Variants in RBBP8 observed in about 807,000 individuals in gnomAD.
RBBP8 encodes RB binding protein 8, endonuclease.
Under a neutral mutation model 108.3 loss-of-function variants are expected in RBBP8, and 88 were observed. The ratio of observed to expected loss-of-function variants is 0.81; its 90% CI spans 0.68 to 0.97. The LOEUF is 0.97. RBBP8 is among the 50% of genes least tolerant of loss of function. The pLI is 0.00. For missense variants in RBBP8, 1,023 were observed against 1,049.0 expected (o/e 0.98, Z 0.34); for synonymous variants, 332 against 348.2 (o/e 0.95, Z 0.52).
chr18:23,014,469 A>T (rs2046223382), intron 16 of RBBP8, among the ~76,000 whole-genome samples: 1 of 152,124 alleles, frequency 6.6e-6, no homozygotes, highest in Non-Finnish European at 1.5e-5. Flanking sequence ...CCTCATCTGT[A>T]CTAAAAAGCA....
chr18:22,982,382 T>G lies in RBBP8; in HGVS notation c.593T>G (p.Val198Gly). 1 of 1,614,040 alleles carries G rather than the reference T, an allele frequency of 6.2e-7. No individual in the cohort carries two copies. Among genetic ancestry groups the G allele is most frequent in the Non-Finnish European group, 8.5e-7 (1 of 1,179,968 alleles). Residue 198 changes from valine to glycine, a missense_variant, in exon 7 of 19, where the codon GTG (valine) becomes GGG (glycine). Physicochemically the swap from Val to Gly is moderately radical, Grantham distance 109. Coordinates refer to ENST00000327155, the MANE Select transcript of RBBP8 (RefSeq NM_002894.3). The stretch of plus-strand genomic sequence containing the variant: ...ACACATACTAAATTGGAGCACTCTG[T>G]GTGTGCAAATGGTAAGAGTTGGAGT... ...EQTHTKLEHS[V>G]CANEMRKVSK...
chr18:22,963,834 G>A (rs529319594), intron 4 of RBBP8, among the ~76,000 whole-genome samples: 2 of 152,024 alleles, frequency 1.3e-5, no homozygotes, highest in African/African-American at 4.8e-5. Context: ...AGTTAATTGT[G>A]GCCATTCTTG....
intron 4 of RBBP8, chr18:22,950,007 A>G (rs1183349040): frequency 1.6e-5 from 4 of 249,238 alleles, no homozygotes; most frequent in Admixed American, 1.0e-4. Context: ...TTTTACTTCT[A>G]AGTAGGTGGA....
chr18:22,986,043 A>T (rs573156997), intron 8 of RBBP8, among the ~76,000 whole-genome samples: 1 of 142,402 alleles, frequency 7.0e-6, no homozygotes, highest in East Asian at 2.1e-4. Flanking sequence ...GATCTACTGT[A>T]TATCTGTTTA....
At chr18:23,002,291 C>G (rs2045961971) in intron 15 of RBBP8, among the ~76,000 whole-genome samples, 1 of 152,100 alleles carries the variant, frequency 6.6e-6, no homozygotes, top group Admixed American at 6.6e-5. Context: ...ACCTGTAGTC[C>G]CAGCTACTTG....
At position 22,953,039 on chromosome 18, in the gene RBBP8, T is replaced by C. The variant is rs76517368; in HGVS notation, c.248+3326T>C. Among the ~76,000 whole-genome samples, 284 of 152,340 alleles carry C rather than the reference T, an allele frequency of 1.9e-3. 1 individual carries two copies. The highest frequency in any genetic ancestry group is 8.5e-3 in the Admixed American group (130 of 15,304). ...TGAGAAGCAAACATCAATAAGACTT[T>C]GGACACTGAAGAGATTTATTGGGAA... is the stretch of plus-strand genomic sequence containing the variant. On this transcript the variant is annotated intron_variant, in intron 4 of 18. Transcript: ENST00000327155.
intron 4 of RBBP8, among the ~76,000 whole-genome samples, chr18:22,958,723 A>G (rs956813158): frequency 1.3e-5 from 2 of 151,982 alleles, no homozygotes; most frequent in African/African-American, 2.4e-5. Context: ...TGATTTTTTT[A>G]TAGAGACAAG....
intron 2 of RBBP8, among the ~76,000 whole-genome samples, chr18:22,941,775 G>C (rs1911102625): frequency 6.6e-6 from 1 of 151,926 alleles, no homozygotes; most frequent in Admixed American, 6.5e-5. Context: ...AGTAATTGTT[G>C]GTGTATATGA....
intron 8 of RBBP8, among the ~76,000 whole-genome samples, chr18:22,987,787 T>A (rs894496180): frequency 2.0e-5 from 3 of 152,216 alleles, no homozygotes; most frequent in Non-Finnish European, 2.9e-5. Context: ...GAATGTCACC[T>A]GCAGTCAGTA....
chr18:22,987,394 G>A (rs575238025), intron 8 of RBBP8, among the ~76,000 whole-genome samples: 18 of 152,132 alleles, frequency 1.2e-4, no homozygotes, highest in Admixed American at 2.0e-4. Flanking sequence ...TGTAAACGTC[G>A]TCAGTGTTGC....
At chr18:23,002,265 C>T (rs1278945091) in intron 15 of RBBP8, among the ~76,000 whole-genome samples, 1 of 151,990 alleles carries the variant, frequency 6.6e-6, no homozygotes, top group Non-Finnish European at 1.5e-5. Flanking sequence ...AAAATTAGCT[C>T]GGCATGATGG....
At chr18:22,921,508 A>G (rs1437407855) in intron 3 of RBBP8, among the ~76,000 whole-genome samples, 2 of 152,222 alleles carry the variant, frequency 1.3e-5, no homozygotes, top group East Asian at 3.8e-4. Flanking sequence ...TCTGGTTGCC[A>G]CTGAAATACC....
chr18:22,928,155 C>G (rs1166485430), intron 3 of RBBP8, among the ~76,000 whole-genome samples: 1 of 140,190 alleles, frequency 7.1e-6, no homozygotes, highest in African/African-American at 2.7e-5. Context: ...AAGCTGAGAT[C>G]GCGCCACTGC....
intron 11 of RBBP8, 22 bp downstream of exon 11, chr18:22,993,661 A>G (rs1288452733): frequency 6.2e-7 from 1 of 1,614,124 alleles, no homozygotes; most frequent in Non-Finnish European, 8.5e-7. Context: ...ATGTTCAAGG[A>G]TTTTGATTAA....
In RBBP8 at chr18:22,997,748, T is replaced by C; in HGVS notation, c.2143+14T>C. The C allele has an allele frequency of 6.6e-7, 1 of 1,517,126 alleles. No individual in the cohort carries two copies. Among genetic ancestry groups the C allele is most frequent in the South Asian group, 1.2e-5 (1 of 85,428 alleles). 94.0% of individuals were successfully genotyped at this position (1,517,126 alleles called of 1,614,324 possible). ...AAAAAAGTTCAAGTAAGATCTGTTT[T>C]TGTTTTGTTATTTTTTTTAATAACG... On this transcript the variant is annotated intron_variant, in intron 14 of 18. Coordinates refer to ENST00000327155, the MANE Select transcript of RBBP8 (RefSeq NM_002894.3).
chr18:23,026,284 CTTAG>C lies in RBBP8; in HGVS notation c.*48_*51del. 1 of 1,511,560 alleles carries C rather than the reference CTTAG, an allele frequency of 6.6e-7. No individual in the cohort carries two copies. The highest frequency in any genetic ancestry group is 9.2e-7 in the Non-Finnish European group (1 of 1,090,050). 93.6% of individuals were successfully genotyped at this position (1,511,560 alleles called of 1,614,324 possible). A position where few individuals can be genotyped will look rare whatever the true frequency, so the allele number is the denominator to read the frequency against. ...AAGGATGAAGGACAGTTTTTTCCTT[CTTAG>C]TTATTTATAGTTAAAGTTGGTACTA... On this transcript the variant is annotated 3_prime_UTR_variant, in exon 19 of 19. Coordinates refer to ENST00000327155, the MANE Select transcript of RBBP8 (RefSeq NM_002894.3).
intron 6 of RBBP8, among the ~76,000 whole-genome samples, chr18:22,980,056 G>C (rs963491885): frequency 6.6e-6 from 1 of 152,084 alleles, no homozygotes; most frequent in African/African-American, 2.4e-5. Context: ...GACCAGCCTG[G>C]CCAACGTGGT....
At chr18:23,010,376 A>G in intron 16 of RBBP8, among the ~76,000 whole-genome samples, 1 of 152,166 alleles carries the variant, frequency 6.6e-6, no homozygotes, top group Non-Finnish European at 1.5e-5. Context: ...CTTTGGCGGA[A>G]GAATCGCTTG....
At chr18:22,999,100 T>C (rs926825933) in intron 14 of RBBP8, among the ~76,000 whole-genome samples, 1 of 152,222 alleles carries the variant, frequency 6.6e-6, no homozygotes, top group African/African-American at 2.4e-5. Flanking sequence ...GCAAGTATCA[T>C]GTGAAAGAGA....
Sources: gnomAD v4.1 joint callset for allele counts (sites outside exome capture counted in the v4.1 genomes callset) on GRCh38, gnomAD v4.1.1 for gene constraint, MANE v1.5 for transcripts, NCBI Gene and HGNC (gene_info 2026-07-23, HGNC 2026-07-21) for gene names.